TENM2: variants seen among roughly 807,000 people sequenced by gnomAD.
TENM2 encodes the protein teneurin-2.
In TENM2, 52 loss-of-function variants were observed where a neutral mutation model predicts 245.2. The observed-to-expected ratio is 0.21, with a 90% confidence interval of 0.17 to 0.27. The LOEUF (loss-of-function observed/expected upper bound fraction) is 0.27. TENM2 is among the 10% of genes least tolerant of loss of function. The pLI is 1.00. For synonymous variants in TENM2, 1,363 were observed against 1,438.9 expected (o/e 0.95, Z 1.19); for missense variants, 3,046 against 3,666.8 (o/e 0.83, Z 4.37).
chr5:167,888,713 GCCTTT>G (rs1774496612), intron 3 of TENM2, among the ~76,000 whole-genome samples: 1 of 152,108 alleles, frequency 6.6e-6, no homozygotes, highest in Admixed American at 6.6e-5. Context: ...TCTAGCTCAG[GCCTTT>G]CCTTTGATTC....
upstream of TENM2, among the ~76,000 whole-genome samples, chr5:167,282,423 A>G (rs937290166): frequency 6.6e-6 from 1 of 152,316 alleles, no homozygotes; most frequent in South Asian, 2.1e-4. Flanking sequence ...GCAAGTCTGT[A>G]ACTCCTTAGC....
intron 2 of TENM2, among the ~76,000 whole-genome samples, chr5:167,858,252 C>CGGAGA (rs1463756508): frequency 2.0e-5 from 3 of 152,254 alleles, no homozygotes; most frequent in Non-Finnish European, 4.4e-5. Flanking sequence ...TGTTCTGCAT[C>CGGAGA]TGTACCATGT....
intron 2 of TENM2, among the ~76,000 whole-genome samples, chr5:167,829,316 G>A (rs1043604565): frequency 1.3e-5 from 2 of 152,214 alleles, no homozygotes; most frequent in African/African-American, 2.4e-5. Flanking sequence ...TGGCTTGCCA[G>A]CTTGTTGAGG....
At chr5:167,775,129 C>G (rs985591904) in intron 2 of TENM2, among the ~76,000 whole-genome samples, 1 of 152,118 alleles carries the variant, frequency 6.6e-6, no homozygotes, top group Non-Finnish European at 1.5e-5. Context: ...CCACCACACC[C>G]AGCTAATTTT....
At chr5:167,496,071 T>A (rs559704159) in intron 2 of TENM2, among the ~76,000 whole-genome samples, 1 of 152,172 alleles carries the variant, frequency 6.6e-6, no homozygotes, top group South Asian at 2.1e-4. Flanking sequence ...GAACTCTAAA[T>A]CAATTGGAAT....
chr5:167,132,216 A>G, the TENM2 span, among the ~76,000 whole-genome samples: 533 of 152,252 alleles, frequency 3.5e-3, 3 homozygotes, highest in Middle Eastern at 6.8e-3. Context: ...AAAATCTCAT[A>G]CACGTCTATA....
chr5:167,138,019 A>G, the TENM2 span, among the ~76,000 whole-genome samples: 2 of 152,350 alleles, frequency 1.3e-5, no homozygotes, highest in East Asian at 1.9e-4. Context: ...TATATTACCA[A>G]TTCTGGCATA....
At chr5:167,910,523 A>G (rs980961080) in intron 3 of TENM2, among the ~76,000 whole-genome samples, 7 of 152,186 alleles carry the variant, frequency 4.6e-5, no homozygotes, top group Non-Finnish European at 1.0e-4. Context: ...AAAACAAACA[A>G]AAAGAAACCT....
intron 2 of TENM2, among the ~76,000 whole-genome samples, chr5:167,860,522 A>AG (rs1554133208): frequency 7.9e-6 from 1 of 125,892 alleles, no homozygotes; most frequent in Non-Finnish European, 1.6e-5. Flanking sequence ...CTGCCCGGCC[A>AG]CCACCCCTTC....
chr5:168,005,808 G>A (rs1784779382), intron 5 of TENM2, among the ~76,000 whole-genome samples: 2 of 152,206 alleles, frequency 1.3e-5, no homozygotes, highest in Non-Finnish European at 2.9e-5. Flanking sequence ...GCCAAGTGGG[G>A]TGCAGACCCT....
chr5:167,467,884 T>G (rs1439543464), intron 2 of TENM2, among the ~76,000 whole-genome samples: 3 of 152,180 alleles, frequency 2.0e-5, no homozygotes, highest in Admixed American at 6.5e-5. Flanking sequence ...AAATGTTCGC[T>G]AGCACCTTGA....
intron 1 of TENM2, among the ~76,000 whole-genome samples, chr5:167,371,455 G>A (rs576990781): frequency 6.6e-4 from 98 of 149,436 alleles, no homozygotes; most frequent in African/African-American, 2.3e-3. Flanking sequence ...TCCGCCTTCC[G>A]GGTTCAAGCG....
the TENM2 span, among the ~76,000 whole-genome samples, chr5:167,061,722 C>A: frequency 1.3e-5 from 2 of 152,090 alleles, no homozygotes; most frequent in Non-Finnish European, 2.9e-5. Context: ...TTTACACAAT[C>A]CCTATTGGTA....
At chr5:167,517,911 G>T (rs1419392319) in intron 2 of TENM2, among the ~76,000 whole-genome samples, 1 of 152,046 alleles carries the variant, frequency 6.6e-6, no homozygotes, top group African/African-American at 2.4e-5. Flanking sequence ...GCAGGGGCCG[G>T]GCACCGTGGC....
At chr5:167,976,241 TCTGGGCCTTAGGATA>T (rs1782436670) in intron 4 of TENM2, among the ~76,000 whole-genome samples, 1 of 152,154 alleles carries the variant, frequency 6.6e-6, no homozygotes, top group Admixed American at 6.5e-5. Flanking sequence ...TTCACTTCTT[TCTGGGCCTTAGGATA>T]CTGATCTAGA....
the TENM2 span, among the ~76,000 whole-genome samples, chr5:167,017,460 A>G: frequency 6.6e-6 from 1 of 152,194 alleles, no homozygotes; most frequent in African/African-American, 2.4e-5. Context: ...CTCTGCCATC[A>G]CAGCAGAAAA....
chr5:167,342,507 CTTTTTT>C (rs35451881), intron 1 of TENM2, among the ~76,000 whole-genome samples: 6 of 54,276 alleles, frequency 1.1e-4, no homozygotes, highest in Non-Finnish European at 1.9e-4. Context: ...TAAAGTTATT[CTTTTTT>C]TTTTTTTTTT....
At chr5:167,592,837 GT>G (rs975832597) in intron 2 of TENM2, among the ~76,000 whole-genome samples, 2 of 151,070 alleles carry the variant, frequency 1.3e-5, no homozygotes, top group East Asian at 3.9e-4. Flanking sequence ...TTGATTTTTT[GT>G]TTTTTTTCTG....
exon 27 of TENM2, chr5:168,246,969 C>A: frequency 1.9e-6 from 3 of 1,613,996 alleles, no homozygotes; most frequent in Non-Finnish European, 2.5e-6. Flanking sequence ...TGAAGACCTC[C>A]TTTTTGGGCA....
Sources: gnomAD v4.1 joint callset for allele counts (sites outside exome capture counted in the v4.1 genomes callset) on GRCh38, gnomAD v4.1.1 for gene constraint, MANE v1.5 for transcripts, NCBI Gene and HGNC (gene_info 2026-07-23, HGNC 2026-07-21) for gene names.